LARP4: variants seen among roughly 807,000 people sequenced by gnomAD.
LARP4 encodes the protein La ribonucleoprotein 4.
Under a neutral mutation model 92.9 loss-of-function variants are expected in LARP4, and 29 were observed. The ratio of observed to expected loss-of-function variants is 0.31; its 90% CI spans 0.23 to 0.43. LARP4 has a LOEUF of 0.43. Among genes scored for constraint, LARP4 ranks in the 20% least tolerant of loss-of-function variants. The probability of loss-of-function intolerance (pLI) is 1.00; values close to 1 mark genes in which losing one functional copy is unlikely to be tolerated. For synonymous variants in LARP4, 279 were observed against 284.1 expected, an observed-to-expected ratio of 0.98 and a Z score of 0.18; for missense variants, 732 against 860.0, an observed-to-expected ratio of 0.85 and a Z score of 1.86.
At chr12:50,453,120 A>G (rs1461630401) in intron 8 of LARP4, among the ~76,000 whole-genome samples, 2 of 144,114 alleles carry the variant, frequency 1.4e-5, no homozygotes, top group Non-Finnish European at 3.0e-5. Context: ...TCACTGTGGT[A>G]CCCAGGGTGG....
intron 10 of LARP4, among the ~76,000 whole-genome samples, chr12:50,455,445 C>T (rs906750911): frequency 1.3e-5 from 2 of 152,150 alleles, no homozygotes; most frequent in African/African-American, 4.8e-5. Flanking sequence ...TTTATTACTT[C>T]TCGTTTGCTG....
At chr12:50,435,730 C>A in intron 5 of LARP4, 106 bp downstream of exon 5, 2 of 762,748 alleles carry the variant, frequency 2.6e-6, no homozygotes, top group Non-Finnish European at 4.1e-6. Context: ...TCCCCACACC[C>A]TTATTTTGTT....
chr12:50,456,414 G>A (rs2138425301), intron 10 of LARP4, among the ~76,000 whole-genome samples: 1 of 152,192 alleles, frequency 6.6e-6, no homozygotes, highest in South Asian at 2.1e-4. Flanking sequence ...AGACCTTCTG[G>A]ACCAGCAACC....
intron 1 of LARP4, among the ~76,000 whole-genome samples, chr12:50,401,894 C>G (rs1943919099): frequency 1.3e-5 from 2 of 152,162 alleles, no homozygotes. Flanking sequence ...TTTAATTTCC[C>G]TTAATTCTGT....
intron 7 of LARP4, 190 bp from the exon 8 acceptor site, chr12:50,441,400 C>G (rs1951184523): frequency 4.7e-6 from 2 of 422,258 alleles, no homozygotes; most frequent in Admixed American, 9.1e-5. Context: ...GGTGGCTTTT[C>G]TACAATAAAT....
intron 9 of LARP4, 89 bp from the exon 10 acceptor site, chr12:50,454,224 TA>T (rs1953806823): frequency 3.4e-6 from 3 of 891,964 alleles, no homozygotes; most frequent in South Asian, 1.8e-5. Context: ...TTGTAAAAGA[TA>T]AATTCATAAG....
At chr12:50,405,998 C>T (rs1944760988) in intron 1 of LARP4, among the ~76,000 whole-genome samples, 1 of 151,982 alleles carries the variant, frequency 6.6e-6, no homozygotes, top group South Asian at 2.1e-4. Context: ...TCTACATTGT[C>T]AGTACAGATG....
intron 8 of LARP4, among the ~76,000 whole-genome samples, chr12:50,443,442 T>A (rs926966697): frequency 1.3e-5 from 2 of 151,980 alleles, no homozygotes; most frequent in African/African-American, 4.8e-5. Context: ...GGCTAATTTT[T>A]AAATTTTTGG....
At chr12:50,431,976 G>A (rs7138063) in intron 4 of LARP4, among the ~76,000 whole-genome samples, 108,074 of 152,150 alleles carry the variant, frequency 0.71, 44,476 homozygotes, top group Non-Finnish European at 0.93. Context: ...CCATCTCTAC[G>A]AAAATACAAA....
At chr12:50,427,719 C>G (rs754852133) in intron 1 of LARP4, 43 bp from the exon 2 acceptor site, 7 of 1,279,786 alleles carry the variant, frequency 5.5e-6, no homozygotes, top group Non-Finnish European at 4.2e-6. Context: ...AATTTTCATG[C>G]TCTGATTTTA....
intron 13 of LARP4, among the ~76,000 whole-genome samples, chr12:50,470,427 C>T (rs1032756930): frequency 3.1e-4 from 47 of 151,126 alleles, no homozygotes; most frequent in African/African-American, 1.1e-3. Flanking sequence ...TACTTTCTTT[C>T]TTTCTTTCTT....
At chr12:50,462,734 G>GTCT in intron 12 of LARP4, 104 bp downstream of exon 12, 1 of 800,810 alleles carries the variant, frequency 1.2e-6, no homozygotes, top group Non-Finnish European at 2.0e-6. Context: ...ATTGATTGTA[G>GTCT]TCTTCAGCAA....
intron 14 of LARP4, 118 bp downstream of exon 14, chr12:50,473,654 T>A (rs1192547070): frequency 1.9e-6 from 2 of 1,033,852 alleles, no homozygotes; most frequent in Admixed American, 2.5e-5. Context: ...TCACCTGAGG[T>A]CGGGAGTTCA....
At chr12:50,457,717 G>A (rs1403651429) in intron 10 of LARP4, among the ~76,000 whole-genome samples, 2 of 151,876 alleles carry the variant, frequency 1.3e-5, no homozygotes, top group African/African-American at 4.8e-5. Context: ...GGGAGACTGA[G>A]GTGGGAGGAT....
intron 6 of LARP4, among the ~76,000 whole-genome samples, chr12:50,439,472 A>G (rs976775641): frequency 6.6e-6 from 1 of 152,062 alleles, no homozygotes; most frequent in Non-Finnish European, 1.5e-5. Flanking sequence ...GTACGATCAT[A>G]GTTCATTGCA....
chr12:50,425,679 C>T (rs1048564837), intron 1 of LARP4, among the ~76,000 whole-genome samples: 1 of 152,116 alleles, frequency 6.6e-6, no homozygotes, highest in Non-Finnish European at 1.5e-5. Context: ...GAGCCAGGAG[C>T]TGGGTCTTAG....
In LARP4 at chr12:50,430,678, T is replaced by G. The variant is rs1435286666; in HGVS notation, c.398+108T>G. The G allele has an allele frequency of 6.3e-6, 4 of 633,678 alleles. No individual in the cohort carries two copies. In the Admixed American group the frequency reaches 1.3e-4, roughly 20 times the overall value. 39.3% of individuals were successfully genotyped at this position (633,678 alleles called of 1,614,324 possible). A position where few individuals can be genotyped will look rare whatever the true frequency, so the allele number is the denominator to read the frequency against. On this transcript the variant is annotated intron_variant, in intron 4 of 15. Coordinates refer to ENST00000398473, the MANE Select transcript of LARP4 (RefSeq NM_052879.5). ...TTAACTAATTTTTTTTTTTATTTTCTTGAGACAGAGTCTCATGTTGTCGCT... is the reference window on the plus strand; with the variant it reads ...TTAACTAATTTTTTTTTTTATTTTCGTGAGACAGAGTCTCATGTTGTCGCT...
chr12:50,426,774 T>G (rs1472865407), intron 1 of LARP4, among the ~76,000 whole-genome samples: 1 of 142,318 alleles, frequency 7.0e-6, no homozygotes, highest in Non-Finnish European at 1.5e-5. Flanking sequence ...CGAGTCTCAC[T>G]GTCTCCCAGG....
chr12:50,438,278 C>T (rs947411629), intron 6 of LARP4, among the ~76,000 whole-genome samples: 1 of 151,680 alleles, frequency 6.6e-6, no homozygotes, highest in Non-Finnish European at 1.5e-5. Flanking sequence ...GCAGGCGGAT[C>T]GTGAGGTCAG....
Sources: gnomAD v4.1 joint callset for allele counts (sites outside exome capture counted in the v4.1 genomes callset) on GRCh38, gnomAD v4.1.1 for gene constraint, MANE v1.5 for transcripts, NCBI Gene and HGNC (gene_info 2026-07-23, HGNC 2026-07-21) for gene names.